ABCG2: variants seen among roughly 807,000 people sequenced by gnomAD.
ABCG2 encodes the protein broad substrate specificity ATP-binding cassette transporter ABCG2.
In ABCG2, 80 loss-of-function variants were observed where a neutral mutation model predicts 73.5. That is an observed-to-expected ratio of 1.09 (90% CI 0.91 to 1.31). The LOEUF (loss-of-function observed/expected upper bound fraction) is 1.31. ABCG2 is among the 50% of genes most tolerant of loss of function. The probability of loss-of-function intolerance (pLI) is 0.00; values close to 1 mark genes in which losing one functional copy is unlikely to be tolerated. For synonymous variants in ABCG2, 269 were observed against 282.4 expected (o/e 0.95, Z 0.48); for missense variants, 796 against 786.2 (o/e 1.01, Z -0.15).
At chr4:88,195,701 G>T (rs1264161074) in intron 1 of ABCG2, among the ~76,000 whole-genome samples, 1 of 152,174 alleles carries the variant, frequency 6.6e-6, no homozygotes, top group African/African-American at 2.4e-5. Flanking sequence ...TTTGACCTTT[G>T]ACTTGTGGTT....
chr4:88,222,057 C>T (rs1005945001), intron 1 of ABCG2, among the ~76,000 whole-genome samples: 2 of 152,156 alleles, frequency 1.3e-5, no homozygotes, highest in Non-Finnish European at 2.9e-5. Context: ...CTATGTGCAA[C>T]CTTGGGACTT....
chr4:88,111,545 A>T (rs1723132883), intron 9 of ABCG2, among the ~76,000 whole-genome samples: 1 of 152,200 alleles, frequency 6.6e-6, no homozygotes, highest in African/African-American at 2.4e-5. Context: ...CATAATTAGC[A>T]GTATGGCTTA....
At chr4:88,165,524 T>G (rs962929062) in intron 1 of ABCG2, among the ~76,000 whole-genome samples, 2 of 152,206 alleles carry the variant, frequency 1.3e-5, no homozygotes, top group Non-Finnish European at 2.9e-5. Context: ...CTTTAAGTAT[T>G]GTTATTACAA....
At chr4:88,200,383 G>A (rs936850103) in intron 1 of ABCG2, among the ~76,000 whole-genome samples, 1 of 152,060 alleles carries the variant, frequency 6.6e-6, no homozygotes, top group Admixed American at 6.5e-5. Flanking sequence ...TGGCCAGCCT[G>A]GTTTGGAAAT....
At chr4:88,162,292 G>GTAACAAATTTAGAAAATTATAA (rs1727351499), upstream of ABCG2, among the ~76,000 whole-genome samples, 1 of 151,862 alleles carries the variant, frequency 6.6e-6, no homozygotes, top group Non-Finnish European at 1.5e-5. Context: ...TAAATTTTAT[G>GTAACAAATTTAGAAAATTATAA]TAACAAATTT....
At chr4:88,107,336 T>C in intron 9 of ABCG2, 70 bp from the exon 10 acceptor site, 1 of 1,008,614 alleles carries the variant, frequency 9.9e-7, no homozygotes, top group Non-Finnish European at 1.5e-6. Flanking sequence ...TACACACCAT[T>C]TATTAGTATA....
chr4:88,198,760 C>G (rs917694125), intron 1 of ABCG2, among the ~76,000 whole-genome samples: 1 of 152,074 alleles, frequency 6.6e-6, no homozygotes, highest in South Asian at 2.1e-4. Flanking sequence ...GATTGCCATT[C>G]ATGAGCTTAC....
chr4:88,196,084 C>T (rs1283808872), intron 1 of ABCG2, among the ~76,000 whole-genome samples: 3 of 152,146 alleles, frequency 2.0e-5, no homozygotes, highest in Non-Finnish European at 4.4e-5. Flanking sequence ...GCCAGTGTAA[C>T]AACTGCCTGA....
At chr4:88,231,593 G>A (rs770826175), upstream of ABCG2, among the ~76,000 whole-genome samples, 2 of 152,056 alleles carry the variant, frequency 1.3e-5, no homozygotes, top group African/African-American at 4.8e-5. Context: ...TGCTCTGTGC[G>A]TAAACTTCCT....
intron 9 of ABCG2, among the ~76,000 whole-genome samples, chr4:88,112,083 C>T (rs945872112): frequency 3.3e-5 from 4 of 120,980 alleles, no homozygotes; most frequent in Admixed American, 8.9e-5. Flanking sequence ...GAGACCCAGT[C>T]TCTAAAAAAA....
At chr4:88,107,352 T>C in intron 9 of ABCG2, 86 bp from the exon 10 acceptor site, 1 of 908,484 alleles carries the variant, frequency 1.1e-6, no homozygotes, top group Non-Finnish European at 1.6e-6. Context: ...GTATAATATA[T>C]GGTTACATAA....
intron 1 of ABCG2, among the ~76,000 whole-genome samples, chr4:88,174,587 T>C (rs35229708): frequency 0.24 from 36,096 of 152,040 alleles, 5,675 homozygotes; most frequent in African/African-American, 0.45. Flanking sequence ...AGACAGGGTT[T>C]CTCCATGTTG....
chr4:88,133,546 C>G (rs1282467671), intron 2 of ABCG2, among the ~76,000 whole-genome samples: 4 of 152,122 alleles, frequency 2.6e-5, no homozygotes, highest in African/African-American at 9.7e-5. Context: ...AAGCACGTTT[C>G]AAACAAAGTG....
At chr4:88,198,454 G>A (rs1560751839) in intron 1 of ABCG2, among the ~76,000 whole-genome samples, 2 of 152,206 alleles carry the variant, frequency 1.3e-5, no homozygotes, top group African/African-American at 2.4e-5. Context: ...AGAACATAGC[G>A]AGATCCAATC....
rs372490654 is a variant in ABCG2 at position 88,107,592 on chromosome 4, C to T, written c.1195-326G>A. 3.3e-5 allele frequency among the ~76,000 whole-genome samples: 5 copies of T among 152,278 alleles called. No homozygotes were observed. The East Asian group carries it at 9.7e-4, about 29-fold the overall frequency. ...TTCAGGTTACTGAGCTTGTGAATAC[C>T]ACACAGGATAGCAGAGCAATGCAAG... On this transcript the variant is annotated intron_variant, in intron 9 of 15. Transcript: ENST00000237612.
chr4:88,105,364 CT>C (rs745969115), intron 10 of ABCG2, among the ~76,000 whole-genome samples: 35 of 152,136 alleles, frequency 2.3e-4, no homozygotes, highest in Non-Finnish European at 4.4e-4. Flanking sequence ...GGGTGGTAAC[CT>C]GAGACTATGG....
At chr4:88,213,269 T>C (rs1182677971) in intron 1 of ABCG2, among the ~76,000 whole-genome samples, 1 of 152,206 alleles carries the variant, frequency 6.6e-6, no homozygotes, top group East Asian at 1.9e-4. Flanking sequence ...GCCTGACAAC[T>C]CATACTGTAC....
intron 5 of ABCG2, among the ~76,000 whole-genome samples, chr4:88,122,611 A>G (rs1724085822): frequency 6.6e-6 from 1 of 152,188 alleles, no homozygotes. Flanking sequence ...CTGCCTCTCT[A>G]GATTCCTCCT....
At chr4:88,198,098 G>C (rs113557587) in intron 1 of ABCG2, among the ~76,000 whole-genome samples, 2 of 150,374 alleles carry the variant, frequency 1.3e-5, no homozygotes, top group African/African-American at 4.9e-5. Context: ...TTGGGAGGCC[G>C]AGGTGGGTGG....
Sources: gnomAD v4.1 joint callset for allele counts (sites outside exome capture counted in the v4.1 genomes callset) on GRCh38, gnomAD v4.1.1 for gene constraint, MANE v1.5 for transcripts, NCBI Gene and HGNC (gene_info 2026-07-23, HGNC 2026-07-21) for gene names.